FAT3: variants seen among roughly 807,000 people sequenced by gnomAD.
FAT3 encodes the protein FAT atypical cadherin 3, also known as protocadherin Fat 3.
Under a neutral mutation model 310.2 loss-of-function variants are expected in FAT3, and 95 were observed. The ratio of observed to expected loss-of-function variants is 0.31; its 90% CI spans 0.26 to 0.36. The LOEUF is 0.36. Among genes scored for constraint, FAT3 ranks in the 10% least tolerant of loss-of-function variants. The pLI, the probability that FAT3 is intolerant of heterozygous loss-of-function variation, is 1.00. For missense variants in FAT3, 5,408 were observed against 5,715.6 expected, an observed-to-expected ratio of 0.95 and a Z score of 1.74; for synonymous variants, 2,314 against 2,192.9, an observed-to-expected ratio of 1.06 and a Z score of -1.54.
intron 1 of FAT3, among the ~76,000 whole-genome samples, chr11:92,232,722 G>A (rs1864240464): frequency 1.4e-5 from 2 of 140,696 alleles, no homozygotes; most frequent in African/African-American, 2.7e-5. Flanking sequence ...TGGAGTGGAC[G>A]CATGGTGTCT....
intron 1 of FAT3, among the ~76,000 whole-genome samples, chr11:92,298,037 A>T (rs1473065960): frequency 6.6e-6 from 1 of 152,100 alleles, no homozygotes; most frequent in Non-Finnish European, 1.5e-5. Flanking sequence ...CAACAAGGAA[A>T]TGCGGGTGGT....
rs770152486 is a variant in FAT3, at chr11:92,834,923, C to G, written c.9925C>G (p.Leu3309Val). 1.3e-5 allele frequency: 21 copies of G among 1,612,852 alleles called. No individual in the cohort carries two copies. The Admixed American group carries it at 3.2e-4, about 24-fold the overall frequency. The change falls in exon 15 of 28, where the codon CTG (leucine) becomes GTG (valine). Residue 3309 changes from leucine to valine, a missense_variant. Coordinates refer to ENST00000525166, the MANE Select transcript of FAT3 (RefSeq NM_001367949.2). Reference sequence around the variant, plus strand: ...CTATGAATTATGCAAAAGGTTTTACCTGGTAGTGGAAGCCAAAGATGGGGG... The same window carrying G: ...CTATGAATTATGCAAAAGGTTTTACGTGGTAGTGGAAGCCAAAGATGGGGG... ...LDYELCKRFY[L>V]VVEAKDGGTP...
rs10528724 is a variant in FAT3, at chr11:92,649,874, CATATATATATATAT to C, written c.3608-47481_3608-47468del. On this transcript the variant is annotated intron_variant, in intron 3 of 27. Transcript: ENST00000525166. ...TTGTTAAACACCCACTTTGTATGTT[CATATATATATATAT>C]ATATATATATATATATATATATATA... Among the ~76,000 whole-genome samples, 37 of 49,660 alleles carry C rather than the reference CATATATATATATAT, an allele frequency of 7.5e-4. 2 individuals are homozygous for C. In the East Asian group the frequency reaches 0.016, roughly 22 times the overall value. 32.6% of individuals were successfully genotyped at this position (49,660 alleles called of 152,430 possible). A position where few individuals can be genotyped will look rare whatever the true frequency, so the allele number is the denominator to read the frequency against.
chr11:92,267,237 T>C (rs1459517862), intron 1 of FAT3, among the ~76,000 whole-genome samples: 2 of 152,212 alleles, frequency 1.3e-5, no homozygotes, highest in African/African-American at 4.8e-5. Context: ...TTTATTTGTA[T>C]GTGCCTACAT....
chr11:92,682,003 A>G (rs566748291), intron 3 of FAT3, among the ~76,000 whole-genome samples: 317 of 152,362 alleles, frequency 2.1e-3, no homozygotes, highest in Non-Finnish European at 3.0e-3. Flanking sequence ...TTGTGGTTAC[A>G]TGGTGGAGTA....
At chr11:92,380,193 C>T (rs556618597) in intron 2 of FAT3, among the ~76,000 whole-genome samples, 2 of 152,020 alleles carry the variant, frequency 1.3e-5, no homozygotes, top group South Asian at 4.2e-4. Flanking sequence ...TGCGAATGTA[C>T]TCACCACATG....
chr11:92,859,242 A>C lies in FAT3; in HGVS notation c.11578A>C (p.Lys3860Gln). ...TGAAAATAGCAAAGAAGAGGATTTC[A>C]AACTAGCTCTGCGTCTTCGAACACT... is the stretch of plus-strand genomic sequence containing the variant. ...LSENSKEEDF[K>Q]LALRLRTLQS... The change falls in exon 21 of 28, where the codon AAA (lysine) becomes CAA (glutamine). Residue 3860 changes from lysine (K) to glutamine (Q), a missense_variant. Physicochemically the swap from Lys to Gln is moderately conservative, Grantham distance 53 (BLOSUM62 1). Transcript: ENST00000525166. 2 of 1,613,882 alleles carry C rather than the reference A, an allele frequency of 1.2e-6. No individual in the cohort carries two copies. Among genetic ancestry groups the C allele is most frequent in the South Asian group, 1.1e-5 (1 of 91,040 alleles).
chr11:92,760,120 T>C (rs79585664), intron 4 of FAT3, among the ~76,000 whole-genome samples: 3,021 of 152,302 alleles, frequency 0.02, 89 homozygotes, highest in African/African-American at 0.069. Flanking sequence ...AAATCCAACC[T>C]TGGCACATTT....
intron 3 of FAT3, among the ~76,000 whole-genome samples, chr11:92,673,243 G>A (rs1591592763): frequency 1.3e-5 from 2 of 152,114 alleles, no homozygotes; most frequent in African/African-American, 4.8e-5. Flanking sequence ...GCTCCGCAAA[G>A]AAGTCATAAA....
intron 3 of FAT3, among the ~76,000 whole-genome samples, chr11:92,531,546 C>T (rs1315137881): frequency 2.0e-5 from 3 of 152,050 alleles, no homozygotes; most frequent in African/African-American, 7.2e-5. Context: ...AGAGGCAGCT[C>T]AGAGGTACTT....
chr11:92,323,359 C>T (rs1947677026), intron 1 of FAT3, among the ~76,000 whole-genome samples: 1 of 152,006 alleles, frequency 6.6e-6, no homozygotes, highest in South Asian at 2.1e-4. Flanking sequence ...AGCAGTCCTC[C>T]CACCACAGAC....
intron 21 of FAT3, among the ~76,000 whole-genome samples, chr11:92,863,360 A>G (rs1949165776): frequency 1.3e-5 from 2 of 152,210 alleles, no homozygotes; most frequent in Non-Finnish European, 2.9e-5. Flanking sequence ...AATCTGAAGC[A>G]GTAAGACTTC....
chr11:92,527,529 A>T (rs1953908602), intron 3 of FAT3, among the ~76,000 whole-genome samples: 1 of 152,196 alleles, frequency 6.6e-6, no homozygotes, highest in East Asian at 1.9e-4. Flanking sequence ...TCTGAATGTC[A>T]TCATGATGTG....
intron 1 of FAT3, among the ~76,000 whole-genome samples, chr11:92,324,550 C>T (rs1168563378): frequency 6.6e-6 from 1 of 152,084 alleles, no homozygotes; most frequent in Non-Finnish European, 1.5e-5. Flanking sequence ...GGGTGTGGTT[C>T]GTGGGACCCC....
At chr11:92,605,340 T>C (rs1463306797) in intron 3 of FAT3, among the ~76,000 whole-genome samples, 9 of 152,208 alleles carry the variant, frequency 5.9e-5, no homozygotes, top group Admixed American at 2.0e-4. Flanking sequence ...ATGACGATCC[T>C]TCTGTCACTT....
At chr11:92,367,160 T>C in intron 2 of FAT3, 1 of 385,730 alleles carries the variant, frequency 2.6e-6, no homozygotes, top group East Asian at 5.8e-5. Flanking sequence ...CCTGCTGGGC[T>C]CAGGTTGGCA....
intron 2 of FAT3, among the ~76,000 whole-genome samples, chr11:92,386,401 A>C (rs1242221899): frequency 6.6e-6 from 1 of 152,206 alleles, no homozygotes; most frequent in Non-Finnish European, 1.5e-5. Context: ...ACATTCAATA[A>C]ACGATTGTTG....
rs202154237 is a variant in FAT3 at position 92,352,175 on chromosome 11, G to T, written c.63G>T (p.Leu21=). 2.5e-4 allele frequency: 347 copies of T among 1,372,062 alleles called. No homozygotes were observed. Among genetic ancestry groups the T allele is most frequent in the Non-Finnish European group, 3.2e-4 (327 of 1,025,364 alleles). The allele number at this position is 1,372,062 out of a possible 1,614,324, so 85.0% of individuals were successfully genotyped here. ...CTCCTGCTTGTTGCCTCATCCTCCT[G>T]CTTTTCAAGCTTTTGGCCACTGTCT... The part of the protein sequence containing the change: ...TRPPACCLIL[L]LFKLLATVSQ... Residue 21 remains leucine, a synonymous_variant, in exon 2 of 28, where the codon CTG becomes CTT. Coordinates refer to ENST00000525166, the MANE Select transcript of FAT3 (RefSeq NM_001367949.2).
At chr11:92,293,259 CT>C (rs1419353392) in intron 1 of FAT3, among the ~76,000 whole-genome samples, 1 of 151,420 alleles carries the variant, frequency 6.6e-6, no homozygotes, top group African/African-American at 2.4e-5. Flanking sequence ...GATGAGCTTT[CT>C]TTTTACTCCA....
Sources: allele counts gnomAD v4.1 joint callset (sites outside exome capture counted in the v4.1 genomes callset), GRCh38; gene constraint gnomAD v4.1.1; transcripts MANE v1.5; gene names NCBI Gene and HGNC (gene_info 2026-07-23, HGNC 2026-07-21).